Variants in SDK1 observed in about 807,000 individuals in gnomAD.
The protein encoded by SDK1 is sidekick cell adhesion molecule 1, also known as protein sidekick-1.
In SDK1, 157 loss-of-function variants were observed where a neutral mutation model predicts 245.5. The ratio of observed to expected loss-of-function variants is 0.64; its 90% CI spans 0.56 to 0.73. The LOEUF is 0.73. Ranked by LOEUF, SDK1 falls within the 30% of genes least tolerant of loss-of-function variation. The pLI is 0.00. For missense variants in SDK1, 3,583 were observed against 3,002.3 expected, an observed-to-expected ratio of 1.19 and a Z score of -4.52; for synonymous variants, 1,647 against 1,278.5, an observed-to-expected ratio of 1.29 and a Z score of -6.15.
intron 1 of SDK1, among the ~76,000 whole-genome samples, chr7:3,473,735 TCCTACACA>T (rs1293681668): frequency 2.6e-5 from 4 of 152,296 alleles, no homozygotes; most frequent in Middle Eastern, 3.4e-3. Flanking sequence ...TGCTGCTGCC[TCCTACACA>T]GAGCCCTGGC....
intron 1 of SDK1, among the ~76,000 whole-genome samples, chr7:3,470,419 A>T (rs1404287302): frequency 6.6e-6 from 1 of 152,178 alleles, no homozygotes; most frequent in Non-Finnish European, 1.5e-5. Flanking sequence ...AGAAATATAA[A>T]ATTTGTAATC....
intron 5 of SDK1, among the ~76,000 whole-genome samples, chr7:3,846,885 G>T (rs778304772): frequency 3.3e-5 from 5 of 151,968 alleles, no homozygotes; most frequent in African/African-American, 9.7e-5. Context: ...TGTCAGGTCC[G>T]CACTGGAACT....
At chr7:3,648,086 C>G (rs1782903989) in intron 4 of SDK1, among the ~76,000 whole-genome samples, 2 of 152,122 alleles carry the variant, frequency 1.3e-5, no homozygotes, top group South Asian at 4.1e-4. Context: ...CTTTGCATAT[C>G]AAAGATGAGC....
intron 1 of SDK1, among the ~76,000 whole-genome samples, chr7:3,437,995 C>CCT (rs1310717731): frequency 6.6e-6 from 1 of 152,078 alleles, no homozygotes; most frequent in African/African-American, 2.4e-5. Flanking sequence ...TCCTCTAAGA[C>CCT]CTGAGACATT....
intron 4 of SDK1, among the ~76,000 whole-genome samples, chr7:3,717,975 T>G (rs1455140277): frequency 6.8e-6 from 1 of 147,808 alleles, no homozygotes. Context: ...AAAAAAAAAC[T>G]GTAAACCTTT....
chr7:4,052,268 C>G (rs1461429873), intron 19 of SDK1, among the ~76,000 whole-genome samples: 10 of 151,394 alleles, frequency 6.6e-5, no homozygotes, highest in African/African-American at 2.2e-4. Flanking sequence ...TGCATTACCT[C>G]CATCTGGTCA....
At chr7:4,066,197 C>G (rs112777935) in intron 19 of SDK1, among the ~76,000 whole-genome samples, 25 of 152,274 alleles carry the variant, frequency 1.6e-4, no homozygotes, top group African/African-American at 5.1e-4. Context: ...CCCTTTTCTC[C>G]TCCCTGGCTT....
At chr7:3,911,853 A>G (rs903060618) in intron 5 of SDK1, among the ~76,000 whole-genome samples, 9 of 152,176 alleles carry the variant, frequency 5.9e-5, no homozygotes, top group Non-Finnish European at 1.2e-4. Flanking sequence ...GAATCATGCT[A>G]TAATCTAGTG....
intron 4 of SDK1, among the ~76,000 whole-genome samples, chr7:3,701,602 A>G (rs1056304133): frequency 4.6e-5 from 7 of 152,200 alleles, no homozygotes; most frequent in African/African-American, 1.4e-4. Context: ...CTGTCTCAAA[A>G]AAACCCAAAA....
intron 17 of SDK1, among the ~76,000 whole-genome samples, chr7:4,036,344 G>A (rs534090835): frequency 5.9e-5 from 9 of 152,230 alleles, no homozygotes; most frequent in East Asian, 5.8e-4. Context: ...TTTTGTGATC[G>A]TGTAAATGGA....
chr7:4,096,097 C>G (rs7802807), intron 22 of SDK1, among the ~76,000 whole-genome samples: 2 of 152,076 alleles, frequency 1.3e-5, no homozygotes, highest in African/African-American at 4.8e-5. Context: ...TGCATGTCTT[C>G]TCTGTGATTT....
At chr7:3,639,541 A>G (rs1329177373) in intron 3 of SDK1, among the ~76,000 whole-genome samples, 2 of 152,148 alleles carry the variant, frequency 1.3e-5, no homozygotes, top group Non-Finnish European at 2.9e-5. Flanking sequence ...AGGTACATGG[A>G]TAGTGAGCGT....
At position 4,268,219 on chromosome 7, in the gene SDK1, C is replaced by T; in HGVS notation, c.*2835C>T. 1.0e-6 allele frequency: 1 copy of T among 990,464 alleles called. No individual in the cohort carries two copies. Among genetic ancestry groups the T allele is most frequent in the Non-Finnish European group, 1.2e-6 (1 of 833,004 alleles). The allele number at this position is 990,464 out of a possible 1,614,324, so 61.4% of individuals were successfully genotyped here. A position where few individuals can be genotyped will look rare whatever the true frequency, so the allele number is the denominator to read the frequency against. ...CATTTCAGATTGCTTCGGCCCCACC[C>T]TGCAAGGATGTGGTCACGGAGTGGC... is the stretch of plus-strand genomic sequence containing the variant. On this transcript the variant is annotated 3_prime_UTR_variant, in exon 45 of 45. Coordinates refer to ENST00000404826, the MANE Select transcript of SDK1 (RefSeq NM_152744.4).
chr7:3,428,555 G>A (rs1017883974), intron 1 of SDK1, among the ~76,000 whole-genome samples: 1 of 152,132 alleles, frequency 6.6e-6, no homozygotes, highest in African/African-American at 2.4e-5. Flanking sequence ...AAATACTCAT[G>A]GAGTTCAAAT....
intron 4 of SDK1, among the ~76,000 whole-genome samples, chr7:3,658,853 G>A (rs560594474): frequency 6.6e-6 from 1 of 152,004 alleles, no homozygotes; most frequent in Non-Finnish European, 1.5e-5. Context: ...CTTGACCTCA[G>A]GTGATCCGCC....
chr7:3,584,689 C>A (rs544218508), intron 1 of SDK1, among the ~76,000 whole-genome samples: 58 of 151,560 alleles, frequency 3.8e-4, no homozygotes, highest in Non-Finnish European at 7.7e-4. Context: ...GTTTTTGGGT[C>A]TGTGCCCTTG....
chr7:3,830,282 A>G (rs894223087), intron 5 of SDK1, among the ~76,000 whole-genome samples: 4 of 152,188 alleles, frequency 2.6e-5, no homozygotes, highest in Admixed American at 6.6e-5. Context: ...GCGATTATTG[A>G]AAGATACAAA....
intron 5 of SDK1, among the ~76,000 whole-genome samples, chr7:3,879,226 G>C (rs547041790): frequency 6.6e-6 from 1 of 152,092 alleles, no homozygotes; most frequent in African/African-American, 2.4e-5. Flanking sequence ...AAAACATGGC[G>C]GCTGCAAGAG....
chr7:4,119,187 T>C (rs1432515746), intron 25 of SDK1, among the ~76,000 whole-genome samples: 1 of 148,604 alleles, frequency 6.7e-6, no homozygotes, highest in East Asian at 1.9e-4. Flanking sequence ...CTGTGATTCG[T>C]ACCTGTAATC....
Sources: allele counts gnomAD v4.1 joint callset (sites outside exome capture counted in the v4.1 genomes callset), GRCh38; gene constraint gnomAD v4.1.1; transcripts MANE v1.5; gene names NCBI Gene and HGNC (gene_info 2026-07-23, HGNC 2026-07-21).